The following PDE4D variants were observed in gnomAD, a reference collection of about 807,000 sequenced individuals.
PDE4D encodes 3',5'-cyclic-AMP phosphodiesterase 4D.
A neutral mutation model predicts 87.4 loss-of-function variants in PDE4D; 24 were observed. That is an observed-to-expected ratio of 0.27 (90% CI 0.20 to 0.39). The LOEUF (loss-of-function observed/expected upper bound fraction) is 0.39. Ranked by LOEUF, PDE4D falls within the 10% of genes least tolerant of loss-of-function variation. The probability of loss-of-function intolerance (pLI) is 1.00; values close to 1 mark genes in which losing one functional copy is unlikely to be tolerated. For synonymous variants in PDE4D, 384 were observed against 383.2 expected (o/e 1.00, Z -0.02); for missense variants, 714 against 1,041.0 (o/e 0.69, Z 4.32).
chr5:60,227,340 T>A (rs1583143005), intron 1 of PDE4D, among the ~76,000 whole-genome samples: 1 of 152,028 alleles, frequency 6.6e-6, no homozygotes, highest in Admixed American at 6.6e-5. Context: ...ACTGACTGTA[T>A]GTAAAAAGGA....
intron 1 of PDE4D, among the ~76,000 whole-genome samples, chr5:60,227,658 AGAAG>A (rs919253591): frequency 4.6e-5 from 7 of 151,200 alleles, no homozygotes; most frequent in Non-Finnish European, 1.0e-4. Flanking sequence ...AACGAAGGAA[AGAAG>A]GAAGGAAGGG....
intron 1 of PDE4D, among the ~76,000 whole-genome samples, chr5:59,613,234 A>G (rs1471760129): frequency 6.6e-6 from 1 of 152,160 alleles, no homozygotes; most frequent in African/African-American, 2.4e-5. Flanking sequence ...GAGTGTGAGG[A>G]AAAAAAGAGT....
chr5:58,991,226 G>T (rs544190359), intron 8 of PDE4D, among the ~76,000 whole-genome samples: 1 of 152,338 alleles, frequency 6.6e-6, no homozygotes, highest in African/African-American at 2.4e-5. Flanking sequence ...AGGTTGTAGT[G>T]AGCCAAGATC....
rs113574674 is a variant in PDE4D at position 60,306,309 on chromosome 5, G to A, written c.-89-120622C>T. 1.3e-3 allele frequency among the ~76,000 whole-genome samples: 194 copies of A among 152,022 alleles called. 2 individuals are homozygous for A. The highest frequency in any genetic ancestry group is 4.5e-3 in the African/African-American group (185 of 41,532). Reference sequence around the variant, plus strand: ...CTGAAAAATCTATATAAAATCTAATGATGTGTGGTAAAGGATGGACTCAAA... The same window carrying A: ...CTGAAAAATCTATATAAAATCTAATAATGTGTGGTAAAGGATGGACTCAAA... On this transcript the variant is annotated intron_variant, in intron 1 of 16. Transcript: ENST00000502484.
chr5:59,403,872 C>A (rs573542042), intron 1 of PDE4D, among the ~76,000 whole-genome samples: 1 of 152,286 alleles, frequency 6.6e-6, no homozygotes, highest in Admixed American at 6.5e-5. Context: ...TTTCGAGGAA[C>A]CTCCAAATTG....
chr5:60,264,965 T>C (rs887815009), intron 1 of PDE4D, among the ~76,000 whole-genome samples: 1 of 152,218 alleles, frequency 6.6e-6, no homozygotes, highest in African/African-American at 2.4e-5. Context: ...GATATCATGA[T>C]GAAAATTACA....
At chr5:59,236,967 T>G (rs1202559406) in intron 1 of PDE4D, among the ~76,000 whole-genome samples, 1 of 152,140 alleles carries the variant, frequency 6.6e-6, no homozygotes, top group Non-Finnish European at 1.5e-5. Context: ...GGCACTTAGG[T>G]TACTTTAAAA....
At chr5:59,443,194 T>C (rs1189790234) in intron 1 of PDE4D, among the ~76,000 whole-genome samples, 1 of 152,206 alleles carries the variant, frequency 6.6e-6, no homozygotes, top group Non-Finnish European at 1.5e-5. Context: ...AATGCTCGCA[T>C]GAAGTAAACT....
chr5:59,565,140 G>A (rs1820665174), intron 1 of PDE4D, among the ~76,000 whole-genome samples: 1 of 152,122 alleles, frequency 6.6e-6, no homozygotes, highest in South Asian at 2.1e-4. Context: ...GAAGGAGATG[G>A]GCTCCGCTTG....
At chr5:59,915,019 G>C (rs919694541) in intron 3 of PDE4D, among the ~76,000 whole-genome samples, 11 of 151,972 alleles carry the variant, frequency 7.2e-5, no homozygotes, top group African/African-American at 2.4e-4. Flanking sequence ...GGAAGGAGCA[G>C]GTTTGAAGGT....
At chr5:60,295,712 G>A (rs1409678471) in intron 1 of PDE4D, among the ~76,000 whole-genome samples, 1 of 152,150 alleles carries the variant, frequency 6.6e-6, no homozygotes, top group Non-Finnish European at 1.5e-5. Flanking sequence ...CAGCAAGTCA[G>A]GCACAAACAC....
chr5:60,142,266 G>C (rs886497328), intron 2 of PDE4D, among the ~76,000 whole-genome samples: 1 of 151,926 alleles, frequency 6.6e-6, no homozygotes, highest in African/African-American at 2.4e-5. Flanking sequence ...GGAAGGAAAG[G>C]AGAGAGAAGA....
At chr5:60,272,827 G>A (rs1408500465) in intron 1 of PDE4D, among the ~76,000 whole-genome samples, 1 of 152,148 alleles carries the variant, frequency 6.6e-6, no homozygotes, top group Non-Finnish European at 1.5e-5. Flanking sequence ...TCAACCTAAT[G>A]ACTTCTCCGC....
At chr5:59,822,877 A>G (rs2152690110) in intron 1 of PDE4D, among the ~76,000 whole-genome samples, 1 of 152,298 alleles carries the variant, frequency 6.6e-6, no homozygotes, top group Non-Finnish European at 1.5e-5. Flanking sequence ...GGTCCCCCAA[A>G]ATGGCCGGTA....
At chr5:60,084,223 C>G (rs759998433) in intron 2 of PDE4D, among the ~76,000 whole-genome samples, 1 of 152,116 alleles carries the variant, frequency 6.6e-6, no homozygotes, top group Non-Finnish European at 1.5e-5. Context: ...TTTTAAACAT[C>G]AGAGAGAAAT....
At chr5:59,073,046 A>G (rs1765104732) in intron 5 of PDE4D, among the ~76,000 whole-genome samples, 1 of 152,200 alleles carries the variant, frequency 6.6e-6, no homozygotes, top group Non-Finnish European at 1.5e-5. Context: ...AAAATCTTCA[A>G]TCACTAGGCT....
chr5:59,065,423 T>C (rs1005922245), intron 5 of PDE4D, among the ~76,000 whole-genome samples: 1 of 152,100 alleles, frequency 6.6e-6, no homozygotes, highest in Non-Finnish European at 1.5e-5. Context: ...AAGTATACAA[T>C]CAACAATACT....
chr5:59,558,262 T>C (rs159393), intron 1 of PDE4D, among the ~76,000 whole-genome samples: 5,006 of 152,154 alleles, frequency 0.033, 94 homozygotes, highest in East Asian at 0.094. Flanking sequence ...AGAAGGTATA[T>C]CAGAAAATGA....
chr5:60,016,486 G>T (rs1404890292), intron 2 of PDE4D, among the ~76,000 whole-genome samples: 1 of 152,110 alleles, frequency 6.6e-6, no homozygotes, highest in African/African-American at 2.4e-5. Flanking sequence ...TTTCATGAAA[G>T]ATTTCTCTGT....
Sources: gnomAD v4.1 joint callset for allele counts (sites outside exome capture counted in the v4.1 genomes callset) on GRCh38, gnomAD v4.1.1 for gene constraint, MANE v1.5 for transcripts, NCBI Gene and HGNC (gene_info 2026-07-23, HGNC 2026-07-21) for gene names.